Variants in MPRIP observed in about 807,000 individuals in gnomAD.
MPRIP encodes the protein myosin phosphatase Rho-interacting protein.
In MPRIP, 59 loss-of-function variants were observed where a neutral mutation model predicts 234.9. The ratio of observed to expected loss-of-function variants is 0.25; its 90% CI spans 0.20 to 0.31. The LOEUF (loss-of-function observed/expected upper bound fraction) is 0.31, where lower values mean the gene tolerates loss of function less well. Among genes scored for constraint, MPRIP ranks in the 10% least tolerant of loss-of-function variants. The pLI is 1.00. For missense variants in MPRIP, 2,436 were observed against 3,071.0 expected, an observed-to-expected ratio of 0.79 and a Z score of 4.89; for synonymous variants, 1,144 against 1,263.9, an observed-to-expected ratio of 0.91 and a Z score of 2.01.
chr17:17,131,551 G>C (rs2090596740), intron 4 of MPRIP, 66 bp from the exon 5 acceptor site: 2 of 1,420,460 alleles, frequency 1.4e-6, no homozygotes, highest in Admixed American at 1.7e-5. Context: ...ACCCGGCAAG[G>C]GCCAGGGCTC....
At chr17:17,134,900 G>A (rs1597863939) in intron 5 of MPRIP, among the ~76,000 whole-genome samples, 1 of 152,266 alleles carries the variant, frequency 6.6e-6, no homozygotes, top group African/African-American at 2.4e-5. Context: ...CTGCAAGTGT[G>A]CGCACATACA....
At chr17:17,072,719 T>A (rs2089226865) in intron 1 of MPRIP, among the ~76,000 whole-genome samples, 1 of 151,968 alleles carries the variant, frequency 6.6e-6, no homozygotes, top group Non-Finnish European at 1.5e-5. Flanking sequence ...AGAGTGGTGG[T>A]GATATAGCTG....
At chr17:17,100,257 C>T (rs1408581963) in intron 3 of MPRIP, among the ~76,000 whole-genome samples, 1 of 152,220 alleles carries the variant, frequency 6.6e-6, no homozygotes, top group African/African-American at 2.4e-5. Context: ...TCCTGAATCA[C>T]CAAGTTCAGT....
intron 1 of MPRIP, among the ~76,000 whole-genome samples, chr17:17,060,635 C>T (rs1046316323): frequency 9.2e-5 from 14 of 152,228 alleles, no homozygotes; most frequent in Non-Finnish European, 1.3e-4. Context: ...GACCTGCCCT[C>T]GTGCTCCCAT....
chr17:17,139,768 A>C (rs2090775827), intron 7 of MPRIP, among the ~76,000 whole-genome samples: 1 of 152,196 alleles, frequency 6.6e-6, no homozygotes, highest in Non-Finnish European at 1.5e-5. Flanking sequence ...CATCTCCCAG[A>C]GATACTGCTG....
intron 3 of MPRIP, among the ~76,000 whole-genome samples, chr17:17,105,926 A>C (rs2090054798): frequency 6.6e-6 from 1 of 152,232 alleles, no homozygotes; most frequent in Non-Finnish European, 1.5e-5. Context: ...AAAGGGAGGC[A>C]TGTTAAAGAA....
chr17:17,131,723 T>G, intron 5 of MPRIP, 22 bp downstream of exon 5: 1 of 1,607,844 alleles, frequency 6.2e-7, no homozygotes, highest in Non-Finnish European at 8.5e-7. Flanking sequence ...GTTTGCCAGA[T>G]GGCATCCCCT....
At chr17:17,094,269 G>A (rs1040765967) in intron 3 of MPRIP, among the ~76,000 whole-genome samples, 1 of 152,222 alleles carries the variant, frequency 6.6e-6, no homozygotes, top group Admixed American at 6.5e-5. Flanking sequence ...AGCTGGACTG[G>A]CTGTAGAATG....
At chr17:17,163,444 A>G (rs1192228767) in intron 15 of MPRIP, among the ~76,000 whole-genome samples, 1 of 152,124 alleles carries the variant, frequency 6.6e-6, no homozygotes, top group African/African-American at 2.4e-5. Context: ...TTTGAACTCC[A>G]CAAAGGTTTG....
intron 2 of MPRIP, chr17:17,077,690 A>G: frequency 3.1e-6 from 1 of 325,882 alleles, no homozygotes; most frequent in Non-Finnish European, 5.8e-6. Flanking sequence ...TATGCTGAGC[A>G]CCATCAGGAA....
intron 3 of MPRIP, among the ~76,000 whole-genome samples, chr17:17,117,311 G>A (rs1054501661): frequency 6.6e-6 from 1 of 152,194 alleles, no homozygotes. Flanking sequence ...GTGACAGAAG[G>A]GGGTAGATTA....
At chr17:17,060,580 C>G (rs2088839235) in intron 1 of MPRIP, among the ~76,000 whole-genome samples, 1 of 152,160 alleles carries the variant, frequency 6.6e-6, no homozygotes, top group African/African-American at 2.4e-5. Context: ...AGCTCATATG[C>G]CCTAAGCCCT....
intron 17 of MPRIP, among the ~76,000 whole-genome samples, chr17:17,172,096 C>G (rs1110504): frequency 6.6e-6 from 1 of 152,184 alleles, no homozygotes; most frequent in African/African-American, 2.4e-5. Context: ...CCGTCGTGGC[C>G]GGCTGCACAC....
chr17:17,125,508 T>C (rs1185793929), intron 3 of MPRIP, among the ~76,000 whole-genome samples: 1 of 152,082 alleles, frequency 6.6e-6, no homozygotes, highest in Non-Finnish European at 1.5e-5. Flanking sequence ...TCAAGGGGTG[T>C]AGAAAGAGGT....
In MPRIP at chr17:17,184,853, C is replaced by T. The variant is rs201113519; in HGVS notation, c.7237C>T (p.Arg2413Trp). ...GAAGGAAGGCCTGACGGTGCAAGAA[C>T]GGTTGAAGCTCTTTGAATCCAGGGA... ...SLKEGLTVQE[R>W]LKLFESRDLK... is the part of the protein sequence containing the mutation. Residue 2413 changes from arginine to tryptophan, a missense_variant, in exon 24 of 24, where the codon CGG becomes TGG. This residue lies in a region of MPRIP where 1,998 missense variants were observed against 2,520.3 expected (regional missense o/e 0.79). Coordinates refer to ENST00000651222, the MANE Select transcript of MPRIP (RefSeq NM_001364716.4). The T allele has an allele frequency of 2.0e-5, 33 of 1,612,940 alleles. No homozygotes were observed. The highest frequency in any genetic ancestry group is 4.5e-5 in the East Asian group (2 of 44,862).
At chr17:17,111,151 A>C (rs540268520) in intron 3 of MPRIP, among the ~76,000 whole-genome samples, 6,214 of 147,668 alleles carry the variant, frequency 0.042, 449 homozygotes, top group African/African-American at 0.14. Flanking sequence ...AGTTTAAAAA[A>C]AAAAACCAAA....
rs764237633 is a variant in MPRIP at position 17,158,895 on chromosome 17, C to A, written c.2293C>A (p.Pro765Thr). 16 of 1,612,356 alleles carry A rather than the reference C, an allele frequency of 9.9e-6. No homozygotes were observed. The highest frequency in any genetic ancestry group is 2.2e-5 in the South Asian group (2 of 91,066). Residue 765 changes from proline (P) to threonine (T), a missense_variant, in exon 14 of 24, where the codon CCT becomes ACT. Pro to Thr is a conservative substitution (Grantham distance 38, BLOSUM62 -1). Around this residue, in one of 4 missense-constraint regions of MPRIP, gnomAD observed 1,998 missense variants for 2,520.3 expected, o/e 0.79. Coordinates refer to ENST00000651222, the MANE Select transcript of MPRIP (RefSeq NM_001364716.4). Reference sequence around the variant, plus strand: ...GCGGTGGCATCAGGTGGAGACCACACCTCTCCGGGAAGAGAAGCAGGTGCC... The same window carrying A: ...GCGGTGGCATCAGGTGGAGACCACAACTCTCCGGGAAGAGAAGCAGGTGCC... The part of the protein sequence containing the change: ...EQRWHQVETT[P>T]LREEKQVPIA...
chr17:17,092,481 T>A (rs2089742252), intron 3 of MPRIP, among the ~76,000 whole-genome samples: 1 of 152,128 alleles, frequency 6.6e-6, no homozygotes, highest in Non-Finnish European at 1.5e-5. Context: ...AGCCCCTCCC[T>A]TCTTAGTAGA....
chr17:17,132,519 A>G (rs2090617551), intron 5 of MPRIP, among the ~76,000 whole-genome samples: 2 of 152,270 alleles, frequency 1.3e-5, no homozygotes, highest in South Asian at 4.1e-4. Flanking sequence ...CAGGGTGGGG[A>G]TGGGGGTCCC....
Sources: allele counts gnomAD v4.1 joint callset (sites outside exome capture counted in the v4.1 genomes callset), GRCh38; gene constraint gnomAD v4.1.1; regional missense constraint gnomAD v4.1.1; transcripts MANE v1.5; gene names NCBI Gene and HGNC (gene_info 2026-07-23, HGNC 2026-07-21).